Variants in NCOA1 observed in about 807,000 individuals in gnomAD.
NCOA1 encodes nuclear receptor coactivator 1.
A neutral mutation model predicts 150.9 loss-of-function variants in NCOA1; 35 were observed. The ratio of observed to expected loss-of-function variants is 0.23; its 90% CI spans 0.18 to 0.31. The LOEUF is 0.31. Among genes scored for constraint, NCOA1 ranks in the 10% least tolerant of loss-of-function variants. The pLI is 1.00. For missense variants in NCOA1, 1,491 were observed against 1,749.3 expected, an observed-to-expected ratio of 0.85 and a Z score of 2.63; for synonymous variants, 590 against 630.0, an observed-to-expected ratio of 0.94 and a Z score of 0.95.
At chr2:24,529,410 C>A (rs77987668) in intron 1 of NCOA1, among the ~76,000 whole-genome samples, 3,780 of 152,310 alleles carry the variant, frequency 0.025, 60 homozygotes, top group Non-Finnish European at 0.038. Flanking sequence ...TCACTTCAGC[C>A]TTGAATTCTT....
In NCOA1 at chr2:24,706,445, C is replaced by CTCTT. The variant is rs1258678789; in HGVS notation, c.1098-121_1098-118dup. On this transcript the variant is annotated intron_variant, in intron 12 of 22. Coordinates refer to ENST00000348332, the MANE Select transcript of NCOA1 (RefSeq NM_003743.5). ...TTCTTAATTTAAGATGGTACAGAAG[C>CTCTT]TCTTTACTTGATAGCTTGCAATATT... 2.7e-6 allele frequency: 3 copies of CTCTT among 1,129,420 alleles called. No homozygotes were observed. In the East Asian group the frequency reaches 8.0e-5, roughly 30 times the overall value. The allele number at this position is 1,129,420 out of a possible 1,614,324, so 70.0% of individuals were successfully genotyped here. A position where few individuals can be genotyped will look rare whatever the true frequency, so the allele number is the denominator to read the frequency against.
At chr2:24,531,992 A>G (rs1454150461) in intron 1 of NCOA1, among the ~76,000 whole-genome samples, 1 of 152,190 alleles carries the variant, frequency 6.6e-6, no homozygotes, top group African/African-American at 2.4e-5. Flanking sequence ...TTGCTGGGTC[A>G]AATGGTATTT....
At chr2:24,517,970 T>G (rs761665247) in intron 1 of NCOA1, among the ~76,000 whole-genome samples, 4 of 152,210 alleles carry the variant, frequency 2.6e-5, no homozygotes, top group Non-Finnish European at 5.9e-5. Context: ...TGTCTACAAG[T>G]GTATGTATTT....
intron 1 of NCOA1, among the ~76,000 whole-genome samples, chr2:24,534,983 C>T (rs904113294): frequency 3.3e-5 from 5 of 152,048 alleles, no homozygotes; most frequent in Non-Finnish European, 5.9e-5. Context: ...TGCAAAGCTG[C>T]GTTCAAGACC....
chr2:24,694,226 T>C (rs1672796936), intron 10 of NCOA1, among the ~76,000 whole-genome samples: 1 of 152,224 alleles, frequency 6.6e-6, no homozygotes, highest in Non-Finnish European at 1.5e-5. Context: ...CTGTTCTTTA[T>C]AGTTGATGAA....
chr2:24,543,927 A>T (rs1186120046), intron 1 of NCOA1, among the ~76,000 whole-genome samples: 1 of 152,146 alleles, frequency 6.6e-6, no homozygotes, highest in Non-Finnish European at 1.5e-5. Context: ...GTGTGAATGG[A>T]TTAGAGCCAG....
chr2:24,760,740 A>G (rs1027480316), intron 21 of NCOA1, among the ~76,000 whole-genome samples: 1 of 152,042 alleles, frequency 6.6e-6, no homozygotes, highest in Non-Finnish European at 1.5e-5. Context: ...GATATGCTTC[A>G]GTGTATTTTC....
intron 21 of NCOA1, among the ~76,000 whole-genome samples, chr2:24,760,986 T>TAC (rs1664762886): frequency 6.6e-6 from 1 of 152,030 alleles, no homozygotes; most frequent in Admixed American, 6.6e-5. Flanking sequence ...TAGCTGGGAG[T>TAC]ACAGGGGTGC....
chr2:24,517,669 T>A (rs765124182), intron 1 of NCOA1, among the ~76,000 whole-genome samples: 3 of 152,224 alleles, frequency 2.0e-5, no homozygotes, highest in Non-Finnish European at 4.4e-5. Context: ...AAGATTTTAC[T>A]CAAAGCCACC....
At chr2:24,703,779 A>G (rs1673282167) in intron 11 of NCOA1, among the ~76,000 whole-genome samples, 2 of 152,172 alleles carry the variant, frequency 1.3e-5, no homozygotes, top group Non-Finnish European at 2.9e-5. Context: ...AACTTCAAAA[A>G]TTATTTATTA....
At chr2:24,640,443 A>G (rs927528250) in intron 3 of NCOA1, among the ~76,000 whole-genome samples, 7 of 152,192 alleles carry the variant, frequency 4.6e-5, no homozygotes, top group Admixed American at 4.6e-4. Context: ...TGATATGTAC[A>G]GATTTTTCTA....
chr2:24,576,246 A>G (rs960909198), intron 2 of NCOA1, among the ~76,000 whole-genome samples: 2 of 141,960 alleles, frequency 1.4e-5, no homozygotes, highest in Admixed American at 1.5e-4. Context: ...AGGACATATC[A>G]GCACTCTCCT....
intron 19 of NCOA1, among the ~76,000 whole-genome samples, chr2:24,746,993 A>C (rs1032170450): frequency 6.6e-6 from 1 of 152,208 alleles, no homozygotes; most frequent in Admixed American, 6.5e-5. Context: ...AAAGTTAGGA[A>C]ATCTCAGTAC....
At chr2:24,565,797 G>T (rs917437321) in intron 2 of NCOA1, among the ~76,000 whole-genome samples, 5 of 152,178 alleles carry the variant, frequency 3.3e-5, no homozygotes, top group African/African-American at 1.2e-4. Flanking sequence ...GCTGTGGCGG[G>T]GCAGGCAGCT....
At chr2:24,562,045 A>G (rs1666314537) in intron 1 of NCOA1, among the ~76,000 whole-genome samples, 1 of 152,214 alleles carries the variant, frequency 6.6e-6, no homozygotes, top group South Asian at 2.1e-4. Context: ...ATTAGTCCAT[A>G]GAAAAATGAA....
intron 9 of NCOA1, among the ~76,000 whole-genome samples, chr2:24,692,472 G>A (rs1040929511): frequency 3.3e-5 from 5 of 152,182 alleles, no homozygotes; most frequent in African/African-American, 4.8e-5. Flanking sequence ...CTAAAAACAT[G>A]AAGTCATCTG....
At chr2:24,649,313 A>C (rs1163678799) in intron 4 of NCOA1, among the ~76,000 whole-genome samples, 2 of 152,192 alleles carry the variant, frequency 1.3e-5, no homozygotes, top group Non-Finnish European at 2.9e-5. Flanking sequence ...GCTTCTGCTA[A>C]ACTCTTATAA....
chr2:24,551,678 A>G (rs550496147), intron 1 of NCOA1, among the ~76,000 whole-genome samples: 4 of 152,284 alleles, frequency 2.6e-5, no homozygotes, highest in South Asian at 4.1e-4. Flanking sequence ...GTTTCAGCAG[A>G]GACTGTTTGG....
At chr2:24,768,132 T>C (rs758844195) in intron 22 of NCOA1, 89 bp from the exon 23 acceptor site, 1 of 1,614,056 alleles carries the variant, frequency 6.2e-7, no homozygotes, top group Non-Finnish European at 8.5e-7. Context: ...AGAGGAATGC[T>C]CTAGTGAGTT....
Sources: allele counts gnomAD v4.1 joint callset (sites outside exome capture counted in the v4.1 genomes callset), GRCh38; gene constraint gnomAD v4.1.1; transcripts MANE v1.5; gene names NCBI Gene and HGNC (gene_info 2026-07-23, HGNC 2026-07-21).